Variants in PHF24 observed in about 807,000 individuals in gnomAD.
The protein encoded by PHF24 is Galpha inhibitory interacting protein.
PHF24 carries 25 observed loss-of-function variants against 42.6 expected under a neutral mutation model. The observed-to-expected ratio is 0.59, with a 90% CI of 0.43 to 0.82. The LOEUF is 0.82. Among genes scored for constraint, PHF24 ranks in the 40% least tolerant of loss-of-function variants. The pLI is 0.00. For synonymous variants in PHF24, 185 were observed against 204.8 expected, an observed-to-expected ratio of 0.90 and a Z score of 0.83; for missense variants, 470 against 538.1, an observed-to-expected ratio of 0.87 and a Z score of 1.25.
the PHF24 span, among the ~76,000 whole-genome samples, chr9:34,904,165 C>T: frequency 6.6e-6 from 1 of 152,162 alleles, no homozygotes; most frequent in African/African-American, 2.4e-5. Flanking sequence ...CATATTGTCA[C>T]CAAACAGTGA....
the PHF24 span, among the ~76,000 whole-genome samples, chr9:34,712,994 G>A: frequency 6.6e-6 from 1 of 152,106 alleles, no homozygotes; most frequent in Admixed American, 6.6e-5. Context: ...CTTTGTATTA[G>A]TAATTTTTTG....
chr9:34,897,658 G>A, the PHF24 span, among the ~76,000 whole-genome samples: 1 of 152,210 alleles, frequency 6.6e-6, no homozygotes, highest in Admixed American at 6.5e-5. Flanking sequence ...AAATGGATTA[G>A]TGAACATTTT....
the PHF24 span, among the ~76,000 whole-genome samples, chr9:34,942,990 A>G: frequency 1.3e-5 from 2 of 152,002 alleles, no homozygotes; most frequent in Non-Finnish European, 2.9e-5. Flanking sequence ...CCTAGAACTT[A>G]AAGTATAATA....
At chr9:34,937,038 C>CGCCGCCGGGCCAGCCG in the PHF24 span, among the ~76,000 whole-genome samples, 4 of 148,052 alleles carry the variant, frequency 2.7e-5, no homozygotes, top group South Asian at 8.6e-4. Flanking sequence ...GGGTCAGCCC[C>CGCCGCCGGGCCAGCCG]CCCCCCGGGC....
chr9:34,805,535 G>A, the PHF24 span, among the ~76,000 whole-genome samples: 1,519 of 152,120 alleles, frequency 1.0e-2, 10 homozygotes, highest in Non-Finnish European at 0.015. Context: ...CAGATCCTTC[G>A]TGCACTTTAA....
At chr9:34,951,413 A>G in the PHF24 span, among the ~76,000 whole-genome samples, 7 of 152,232 alleles carry the variant, frequency 4.6e-5, no homozygotes, top group African/African-American at 1.7e-4. Flanking sequence ...AGTGGGCTCT[A>G]TAATCATAAG....
the PHF24 span, among the ~76,000 whole-genome samples, chr9:34,806,984 T>C: frequency 1.3e-5 from 2 of 152,244 alleles, no homozygotes; most frequent in East Asian, 3.9e-4. Flanking sequence ...CAAGATCATA[T>C]CATCTGCAGA....
the PHF24 span, among the ~76,000 whole-genome samples, chr9:34,677,791 G>T: frequency 6.6e-6 from 1 of 152,132 alleles, no homozygotes; most frequent in East Asian, 1.9e-4. Context: ...GGCCTGCAAA[G>T]ACTTGGATCC....
the PHF24 span, among the ~76,000 whole-genome samples, chr9:34,888,265 T>C: frequency 6.6e-6 from 1 of 152,240 alleles, no homozygotes; most frequent in African/African-American, 2.4e-5. Flanking sequence ...AATGACTTTT[T>C]ATATGACTGT....
At chr9:34,777,830 G>A in the PHF24 span, among the ~76,000 whole-genome samples, 2 of 152,166 alleles carry the variant, frequency 1.3e-5, no homozygotes, top group Admixed American at 6.5e-5. Flanking sequence ...TAGGTCTCAG[G>A]GACCCAATGT....
the PHF24 span, among the ~76,000 whole-genome samples, chr9:34,708,280 A>G: frequency 6.6e-6 from 1 of 152,182 alleles, no homozygotes; most frequent in Non-Finnish European, 1.5e-5. Flanking sequence ...TCAAAGGGTT[A>G]AATGGGCTAA....
the PHF24 span, among the ~76,000 whole-genome samples, chr9:34,849,365 T>C: frequency 6.6e-6 from 1 of 152,098 alleles, no homozygotes. Flanking sequence ...ATGGCCTTCT[T>C]TGTCTCTTTT....
chr9:34,937,307 A>G, the PHF24 span, among the ~76,000 whole-genome samples: 2 of 152,222 alleles, frequency 1.3e-5, no homozygotes, highest in Non-Finnish European at 2.9e-5. Flanking sequence ...TGTACTAAGA[A>G]AAATTGTTCT....
chr9:34,798,344 T>C, the PHF24 span, among the ~76,000 whole-genome samples: 2 of 152,134 alleles, frequency 1.3e-5, no homozygotes, highest in South Asian at 4.1e-4. Context: ...TAATAGGAAG[T>C]TTTCCAGCCC....
the PHF24 span, among the ~76,000 whole-genome samples, chr9:34,814,509 A>G: frequency 1.3e-5 from 2 of 152,212 alleles, no homozygotes; most frequent in African/African-American, 4.8e-5. Context: ...TCTCTACTGT[A>G]ATGCAGCCCA....
chr9:34,766,196 G>T, the PHF24 span, among the ~76,000 whole-genome samples: 1 of 152,062 alleles, frequency 6.6e-6, no homozygotes, highest in Non-Finnish European at 1.5e-5. Flanking sequence ...TGCTCTTCTC[G>T]AATGGTATCT....
the PHF24 span, among the ~76,000 whole-genome samples, chr9:34,937,169 A>T: frequency 6.6e-6 from 1 of 152,230 alleles, no homozygotes; most frequent in Non-Finnish European, 1.5e-5. Context: ...CTCATTGAGA[A>T]CGGGCCATGA....
chr9:34,787,413 A>T, the PHF24 span, among the ~76,000 whole-genome samples: 3 of 152,190 alleles, frequency 2.0e-5, no homozygotes, highest in African/African-American at 7.2e-5. Flanking sequence ...AGATGTATCT[A>T]GGCAAGAAGC....
chr9:34,777,976 G>A, the PHF24 span, among the ~76,000 whole-genome samples: 6 of 152,184 alleles, frequency 3.9e-5, no homozygotes, highest in African/African-American at 1.4e-4. Context: ...GGATTGCTGA[G>A]GGTCTCTCAC....
Sources: gnomAD v4.1 joint callset for allele counts (sites outside exome capture counted in the v4.1 genomes callset) on GRCh38, gnomAD v4.1.1 for gene constraint, MANE v1.5 for transcripts, NCBI Gene and HGNC (gene_info 2026-07-23, HGNC 2026-07-21) for gene names.